Variants in MEMO1 observed in about 807,000 individuals in gnomAD.
The protein encoded by MEMO1 is protein MEMO1.
MEMO1 carries 6 observed loss-of-function variants against 45.2 expected under a neutral mutation model. That is an observed-to-expected ratio of 0.13 (90% confidence interval 0.07 to 0.26). The LOEUF (loss-of-function observed/expected upper bound fraction) is 0.26. MEMO1 is among the 10% of genes least tolerant of loss of function. The pLI is 1.00. For synonymous variants in MEMO1, 78 were observed against 124.3 expected (o/e 0.63, Z 2.48); for missense variants, 184 against 370.5 (o/e 0.50, Z 4.13).
At chr2:31,951,238 CA>C (rs1244056014) in intron 2 of MEMO1, among the ~76,000 whole-genome samples, 3 of 152,150 alleles carry the variant, frequency 2.0e-5, no homozygotes, top group Non-Finnish European at 4.4e-5. Flanking sequence ...TATGAACAGG[CA>C]GTGACAACTA....
chr2:31,903,502 G>A (rs1679190745), intron 6 of MEMO1, among the ~76,000 whole-genome samples: 2 of 152,130 alleles, frequency 1.3e-5, no homozygotes, highest in South Asian at 2.1e-4. Flanking sequence ...CTTCTCAAAT[G>A]TCTTTTGCTA....
chr2:31,911,082 A>T (rs1296872205), intron 6 of MEMO1, among the ~76,000 whole-genome samples: 1 of 152,122 alleles, frequency 6.6e-6, no homozygotes, highest in African/African-American at 2.4e-5. Flanking sequence ...AGAAAAGGAT[A>T]GTAAGTAAGG....
At chr2:31,898,955 C>T (rs796137991) in intron 6 of MEMO1, among the ~76,000 whole-genome samples, 18 of 152,266 alleles carry the variant, frequency 1.2e-4, no homozygotes, top group African/African-American at 4.1e-4. Context: ...GATCCCTTTA[C>T]CATTATGTAA....
At chr2:31,935,983 A>G (rs1184435606) in intron 3 of MEMO1, among the ~76,000 whole-genome samples, 2 of 151,884 alleles carry the variant, frequency 1.3e-5, no homozygotes. Context: ...TTTATTTTTG[A>G]GACAGAGTCT....
chr2:31,890,857 AC>A (rs1676866820), intron 7 of MEMO1, among the ~76,000 whole-genome samples: 1 of 152,170 alleles, frequency 6.6e-6, no homozygotes, highest in African/African-American at 2.4e-5. Context: ...GGTGATCAAA[AC>A]TGTCTTCAGG....
At chr2:31,973,612 T>C (rs1669664861) in intron 2 of MEMO1, among the ~76,000 whole-genome samples, 1 of 152,166 alleles carries the variant, frequency 6.6e-6, no homozygotes, top group Non-Finnish European at 1.5e-5. Context: ...GTTATATACA[T>C]ACAATAAAGT....
rs1301015653 is a variant in MEMO1, at chr2:31,956,327, AT to A, written c.62-12945del. 7.2e-5 allele frequency among the ~76,000 whole-genome samples: 11 copies of A among 151,910 alleles called. No individual in the cohort carries two copies. The East Asian group carries it at 2.1e-3, about 29-fold the overall frequency. On this transcript the variant is annotated intron_variant, in intron 2 of 9. Coordinates refer to ENST00000404530, the MANE Select transcript of MEMO1 (RefSeq NM_001301833.4). Reference sequence around the variant, plus strand: ...CTTCCCACACAAGGTAGCACTTCTTATGCAATTTCTTTGAAAAAAAAAAAAA... The same window carrying A: ...CTTCCCACACAAGGTAGCACTTCTTAGCAATTTCTTTGAAAAAAAAAAAAA...
At chr2:31,977,364 A>AT (rs1670123449) in intron 2 of MEMO1, among the ~76,000 whole-genome samples, 1 of 152,182 alleles carries the variant, frequency 6.6e-6, no homozygotes, top group African/African-American at 2.4e-5. Flanking sequence ...ACATTCAATC[A>AT]TGTGCACTGT....
intron 2 of MEMO1, among the ~76,000 whole-genome samples, chr2:31,978,083 C>A (rs72796844): frequency 1.7e-4 from 26 of 151,878 alleles, no homozygotes; most frequent in Non-Finnish European, 2.9e-4. Flanking sequence ...TTCATATGAC[C>A]GCTGTATTAA....
chr2:31,933,349 ATTTATATAT>A (rs1467221582), intron 3 of MEMO1, among the ~76,000 whole-genome samples: 2 of 19,300 alleles, frequency 1.0e-4, no homozygotes, highest in Non-Finnish European at 1.7e-4. Flanking sequence ...AAAAAAAAAA[ATTTATATAT>A]ATATATATAT....
intron 4 of MEMO1, chr2:31,923,849 C>G: frequency 8.1e-7 from 1 of 1,240,054 alleles, no homozygotes; most frequent in Non-Finnish European, 1.1e-6. Context: ...AAAAGATACA[C>G]TGCTCCAGAA....
chr2:31,970,517 T>C (rs1669255273), intron 2 of MEMO1, among the ~76,000 whole-genome samples: 1 of 152,180 alleles, frequency 6.6e-6, no homozygotes, highest in African/African-American at 2.4e-5. Context: ...GACACTGTTA[T>C]ACAACCTGGC....
intron 2 of MEMO1, among the ~76,000 whole-genome samples, chr2:31,972,126 T>A (rs540708182): frequency 6.6e-6 from 1 of 152,320 alleles, no homozygotes; most frequent in East Asian, 1.9e-4. Flanking sequence ...ATACCTTTTT[T>A]TATAATAATC....
At chr2:31,976,856 T>C (rs540556132) in intron 2 of MEMO1, among the ~76,000 whole-genome samples, 3 of 152,166 alleles carry the variant, frequency 2.0e-5, no homozygotes, top group Non-Finnish European at 4.4e-5. Context: ...AAAATGTTAA[T>C]TAAGCAACAT....
At chr2:31,932,039 C>T (rs755775655) in intron 4 of MEMO1, 28 bp downstream of exon 4, 40 of 1,591,656 alleles carry the variant, frequency 2.5e-5, no homozygotes, top group Non-Finnish European at 3.2e-5. Context: ...CAAGCTTCTC[C>T]GACTTAAAAC....
chr2:32,002,928 G>C (rs1004406027), intron 2 of MEMO1, among the ~76,000 whole-genome samples: 3 of 152,112 alleles, frequency 2.0e-5, no homozygotes, highest in African/African-American at 7.2e-5. Context: ...TTTCCTTCTT[G>C]CCTTTCTGCA....
At chr2:31,908,390 C>G (rs1293126544) in intron 6 of MEMO1, among the ~76,000 whole-genome samples, 5 of 152,046 alleles carry the variant, frequency 3.3e-5, no homozygotes. Flanking sequence ...AAAGAGATTT[C>G]CAGTTTCTAA....
At chr2:31,975,225 G>A (rs935577634) in intron 2 of MEMO1, among the ~76,000 whole-genome samples, 2 of 152,070 alleles carry the variant, frequency 1.3e-5, no homozygotes, top group Non-Finnish European at 2.9e-5. Flanking sequence ...GTCTGCAAAA[G>A]GAAAGTAAAA....
chr2:31,875,115 G>A, intron 8 of MEMO1, among the ~76,000 whole-genome samples: 1 of 151,204 alleles, frequency 6.6e-6, no homozygotes, highest in South Asian at 2.1e-4. Context: ...CTCAACAAAT[G>A]GACCACAGAA....
Sources: allele counts gnomAD v4.1 joint callset (sites outside exome capture counted in the v4.1 genomes callset), GRCh38; gene constraint gnomAD v4.1.1; transcripts MANE v1.5; gene names NCBI Gene and HGNC (gene_info 2026-07-23, HGNC 2026-07-21).